Variants in SPINK5 observed in about 807,000 individuals in gnomAD.
SPINK5 encodes the protein serine peptidase inhibitor Kazal type 5, also known as serine protease inhibitor Kazal-type 5.
A neutral mutation model predicts 151.8 loss-of-function variants in SPINK5; 125 were observed. The ratio of observed to expected loss-of-function variants is 0.82; its 90% confidence interval spans 0.71 to 0.96. The LOEUF is 0.96. SPINK5 is among the 40% of genes least tolerant of loss of function. The pLI, the probability that SPINK5 is intolerant of heterozygous loss-of-function variation, is 0.00. For missense variants in SPINK5, 1,194 were observed against 1,291.9 expected, an observed-to-expected ratio of 0.92 and a Z score of 1.16; for synonymous variants, 374 against 395.3, an observed-to-expected ratio of 0.95 and a Z score of 0.64.
Position 148,070,347 on chromosome 5 carries a change from T to C in SPINK5, c.106T>C (p.Phe36Leu). 2 of 1,612,596 alleles carry C rather than the reference T, an allele frequency of 1.2e-6. No individual in the cohort carries two copies. Among genetic ancestry groups the C allele is most frequent in the Non-Finnish European group, 1.7e-6 (2 of 1,179,130 alleles). ...DQEMCHEFQA[F>L]MKNGKLFCPQ... ...GGAAATGTGCCATGAATTTCAGGCA[T>C]TTATGAAAAATGGAAAACTGTTCTG... Residue 36 changes from phenylalanine to leucine, a missense_variant, in exon 3 of 33, where the codon TTT becomes CTT. Phe to Leu is a conservative substitution (Grantham distance 22). Coordinates refer to ENST00000256084, the MANE Select transcript of SPINK5 (RefSeq NM_006846.4).
intron 14 of SPINK5, 49 bp downstream of exon 14, chr5:148,101,485 C>T (rs748509927): frequency 7.1e-7 from 1 of 1,398,860 alleles, no homozygotes; most frequent in Admixed American, 1.7e-5. Flanking sequence ...CCTGAGGATC[C>T]ACAGATCATG....
chr5:148,121,650 TAAA>T (rs922630510), intron 26 of SPINK5, among the ~76,000 whole-genome samples: 3 of 102,938 alleles, frequency 2.9e-5, no homozygotes, highest in African/African-American at 8.6e-5. Flanking sequence ...AAATACTGAG[TAAA>T]AAAAAAATAA....
intron 27 of SPINK5, 149 bp from the exon 28 acceptor site, chr5:148,124,616 C>T (rs1754380157): frequency 3.7e-6 from 2 of 541,534 alleles, no homozygotes; most frequent in Non-Finnish European, 6.0e-6. Flanking sequence ...AACTGATTAG[C>T]TTATAAAAAT....
intron 28 of SPINK5, among the ~76,000 whole-genome samples, chr5:148,125,226 A>G (rs1162409390): frequency 6.6e-6 from 1 of 152,218 alleles, no homozygotes; most frequent in African/African-American, 2.4e-5. Flanking sequence ...AAACCAATCT[A>G]AGTCTCCCTT....
chr5:148,137,366 C>A lies in SPINK5; in HGVS notation c.*375C>A, dbSNP rs192097665. The A allele has an allele frequency of 5.3e-5, 15 of 284,278 alleles. No individual in the cohort carries two copies. The East Asian group carries it at 1.0e-3, about 20-fold the overall frequency. The allele number at this position is 284,278 out of a possible 1,614,324, so 17.6% of individuals were successfully genotyped here. ...AACTGAATAAACTCTACCCTTTTGT[C>A]TTTTTGTGTTGCTAAACCCATTGGT... On this transcript the variant is annotated 3_prime_UTR_variant, in exon 33 of 33. Transcript: ENST00000256084.
chr5:148,120,174 T>C lies in SPINK5; in HGVS notation c.2441+38T>C, dbSNP rs372446632. The C allele has an allele frequency of 5.1e-5, 83 of 1,613,896 alleles. No homozygotes were observed. The Middle Eastern group carries it at 6.6e-4, about 13-fold the overall frequency. On this transcript the variant is annotated intron_variant, in intron 25 of 32. Coordinates refer to ENST00000256084, the MANE Select transcript of SPINK5 (RefSeq NM_006846.4). ...CAAAATGAGCTTTTGACTGTGAGTC[T>C]TAAAGTACAATAATCATTTCTTACC...
chr5:148,133,415 T>A (rs1754620982), intron 31 of SPINK5, among the ~76,000 whole-genome samples: 1 of 152,200 alleles, frequency 6.6e-6, no homozygotes, highest in Non-Finnish European at 1.5e-5. Context: ...ATCATTTGTG[T>A]CTTGTTATAT....
Position 148,118,968 on chromosome 5 carries a change from C to T in SPINK5, c.2241-18C>T, listed in dbSNP as rs373831935. 4.6e-5 allele frequency: 74 copies of T among 1,612,674 alleles called. No homozygotes were observed. The highest frequency in any genetic ancestry group is 1.6e-4 in the Middle Eastern group (1 of 6,082). ...AATATTTGTTAACAAGATGAATATTCACTTTTTTCTCCTCCAGGGAAAGAG... is the reference window on the plus strand; with the variant it reads ...AATATTTGTTAACAAGATGAATATTTACTTTTTTCTCCTCCAGGGAAAGAG... On this transcript the variant is annotated intron_variant, in intron 23 of 32. Coordinates refer to ENST00000256084, the MANE Select transcript of SPINK5 (RefSeq NM_006846.4).
chr5:148,100,682 A>G, intron 13 of SPINK5, 101 bp downstream of exon 13: 1 of 1,337,138 alleles, frequency 7.5e-7, no homozygotes, highest in African/African-American at 1.4e-5. Flanking sequence ...TAAAAATGAA[A>G]GAATTAAGGC....
intron 14 of SPINK5, 112 bp downstream of exon 14, chr5:148,101,548 T>C: frequency 9.6e-7 from 1 of 1,045,256 alleles, no homozygotes; most frequent in Non-Finnish European, 1.5e-6. Flanking sequence ...GTACAGTTTG[T>C]GTTTTCATAT....
intron 10 of SPINK5, among the ~76,000 whole-genome samples, chr5:148,097,117 T>C (rs77138741): frequency 5.3e-5 from 7 of 130,924 alleles, no homozygotes; most frequent in East Asian, 2.3e-4. Context: ...CTCCCTCTCT[T>C]TCTCTCTTTT....
chr5:148,065,760 G>A (rs544540694), intron 2 of SPINK5, among the ~76,000 whole-genome samples: 1 of 152,256 alleles, frequency 6.6e-6, no homozygotes, highest in South Asian at 2.1e-4. Flanking sequence ...ATGCAAAAGA[G>A]GGTGGTCTGT....
chr5:148,069,264 T>C (rs1219156497), intron 2 of SPINK5, among the ~76,000 whole-genome samples: 1 of 151,704 alleles, frequency 6.6e-6, no homozygotes, highest in Admixed American at 6.6e-5. Context: ...TATTTATTAA[T>C]ATTTAATATT....
At chr5:148,083,357 A>T (rs1753070626) in intron 4 of SPINK5, among the ~76,000 whole-genome samples, 1 of 151,320 alleles carries the variant, frequency 6.6e-6, no homozygotes, top group African/African-American at 2.4e-5. Flanking sequence ...GTTCTTTTTT[A>T]AACATCAAAT....
intron 14 of SPINK5, 152 bp downstream of exon 14, chr5:148,101,588 C>A: frequency 1.0e-6 from 1 of 1,000,048 alleles, no homozygotes; most frequent in Non-Finnish European, 1.6e-6. Context: ...TATACATGTG[C>A]ATATGTGACT....
At chr5:148,080,463 G>T (rs1195227876) in intron 4 of SPINK5, among the ~76,000 whole-genome samples, 4 of 151,308 alleles carry the variant, frequency 2.6e-5, no homozygotes, top group African/African-American at 9.7e-5. Flanking sequence ...TAATGCAATA[G>T]TGATCATAAC....
At position 148,085,040 on chromosome 5, in the gene SPINK5, T is replaced by G. The variant is rs573696789; in HGVS notation, c.283-1365T>G. Among the ~76,000 whole-genome samples the G allele has an allele frequency of 9.2e-5, 14 of 151,954 alleles. No homozygotes were observed. In the East Asian group the frequency reaches 2.7e-3, roughly 30 times the overall value. On this transcript the variant is annotated intron_variant, in intron 4 of 32. Coordinates refer to ENST00000256084, the MANE Select transcript of SPINK5 (RefSeq NM_006846.4). Reference sequence around the variant, plus strand: ...TTCACAGTCCAGAAGAGTGCTAAAATGTAGTTAATATGTAATAAATTTTGT... The same window carrying G: ...TTCACAGTCCAGAAGAGTGCTAAAAGGTAGTTAATATGTAATAAATTTTGT...
chr5:148,070,414 T>C lies in SPINK5; in HGVS notation c.173T>C (p.Met58Thr), dbSNP rs773557840. 19 of 1,612,774 alleles carry C rather than the reference T, an allele frequency of 1.2e-5. 1 individual carries two copies. Among genetic ancestry groups the C allele is most frequent in the Non-Finnish European group, 1.6e-5 (19 of 1,179,178 alleles). ...TTTTTTCAAAGTCTTGATGGAATAA[T>C]GTTCATCAATAAATGTGCCACGTGC... The part of the protein sequence containing the change: ...KKFFQSLDGI[M>T]FINKCATCKM... Residue 58 changes from methionine to threonine, a missense_variant, in exon 3 of 33, where the codon ATG (methionine) becomes ACG (threonine). Transcript: ENST00000256084.
At chr5:148,122,957 G>T (rs1016031847) in intron 26 of SPINK5, among the ~76,000 whole-genome samples, 1 of 144,656 alleles carries the variant, frequency 6.9e-6, no homozygotes, top group Admixed American at 7.2e-5. Context: ...GTGTCGTTTA[G>T]TTCATTCCAG....
Sources: allele counts gnomAD v4.1 joint callset (sites outside exome capture counted in the v4.1 genomes callset), GRCh38; gene constraint gnomAD v4.1.1; transcripts MANE v1.5; gene names NCBI Gene and HGNC (gene_info 2026-07-23, HGNC 2026-07-21).